The following EYA4 variants were observed in gnomAD, a reference collection of about 807,000 sequenced individuals.
EYA4 encodes protein phosphatase EYA4.
Under a neutral mutation model 87.9 loss-of-function variants are expected in EYA4, and 31 were observed. That is an observed-to-expected ratio of 0.35 (90% CI 0.27 to 0.48). EYA4 has a LOEUF of 0.48. Ranked by LOEUF, EYA4 falls within the 20% of genes least tolerant of loss-of-function variation. The probability of loss-of-function intolerance (pLI) is 0.99; values close to 1 mark genes in which losing one functional copy is unlikely to be tolerated. For synonymous variants in EYA4, 263 were observed against 270.6 expected, an observed-to-expected ratio of 0.97 and a Z score of 0.28; for missense variants, 678 against 761.4, an observed-to-expected ratio of 0.89 and a Z score of 1.29.
chr6:133,322,186 T>G (rs777720658), intron 2 of EYA4, among the ~76,000 whole-genome samples: 1 of 152,210 alleles, frequency 6.6e-6, no homozygotes, highest in Admixed American at 6.5e-5. Context: ...ATTGATCAAG[T>G]GACTATATCA....
chr6:133,512,805 T>G, intron 15 of EYA4, 26 bp downstream of exon 15: 2 of 1,611,526 alleles, frequency 1.2e-6, no homozygotes, highest in South Asian at 2.2e-5. Flanking sequence ...CAGTATGCTG[T>G]TTCCTACAGA....
intron 2 of EYA4, among the ~76,000 whole-genome samples, chr6:133,361,637 A>T (rs940324440): frequency 1.4e-4 from 22 of 152,196 alleles, no homozygotes; most frequent in Non-Finnish European, 1.5e-5. Context: ...CCTGATAGAG[A>T]CATAAGTTTC....
At chr6:133,426,977 A>G (rs1354055230) in intron 3 of EYA4, among the ~76,000 whole-genome samples, 1 of 152,122 alleles carries the variant, frequency 6.6e-6, no homozygotes, top group Non-Finnish European at 1.5e-5. Context: ...CGGAATCTAT[A>G]TTTTCCCCCC....
intron 2 of EYA4, among the ~76,000 whole-genome samples, chr6:133,357,915 T>C (rs1583051003): frequency 6.6e-6 from 1 of 151,670 alleles, no homozygotes; most frequent in South Asian, 2.1e-4. Flanking sequence ...AAATTATATA[T>C]AATATGAAAT....
intron 3 of EYA4, among the ~76,000 whole-genome samples, chr6:133,385,056 T>A (rs897580660): frequency 6.6e-6 from 1 of 151,948 alleles, no homozygotes; most frequent in East Asian, 1.9e-4. Flanking sequence ...TCCCAGCACT[T>A]TGGGAGGCCG....
At chr6:133,364,410 C>T (rs142463605) in intron 2 of EYA4, among the ~76,000 whole-genome samples, 320 of 152,284 alleles carry the variant, frequency 2.1e-3, no homozygotes, top group African/African-American at 7.3e-3. Flanking sequence ...ACTGCTGCCT[C>T]GCTTCATCAG....
intron 17 of EYA4, among the ~76,000 whole-genome samples, chr6:133,516,259 G>T (rs1375204416): frequency 6.6e-6 from 1 of 152,064 alleles, no homozygotes; most frequent in Non-Finnish European, 1.5e-5. Context: ...GGAGGAGGGA[G>T]AGAATCAGAA....
chr6:133,355,832 T>A (rs1387767491), intron 2 of EYA4, among the ~76,000 whole-genome samples: 1 of 152,204 alleles, frequency 6.6e-6, no homozygotes, highest in Non-Finnish European at 1.5e-5. Context: ...TCTCAAAATT[T>A]CAAAATTGTT....
chr6:133,310,996 C>T (rs894937503), intron 2 of EYA4, among the ~76,000 whole-genome samples: 1 of 152,160 alleles, frequency 6.6e-6, no homozygotes, highest in South Asian at 2.1e-4. Context: ...GACTTTTCCC[C>T]TATACCTATA....
intron 3 of EYA4, among the ~76,000 whole-genome samples, chr6:133,407,434 G>A (rs927990618): frequency 6.6e-6 from 1 of 152,018 alleles, no homozygotes; most frequent in Non-Finnish European, 1.5e-5. Context: ...CAGGGCTTTG[G>A]CTGTTACTCA....
At chr6:133,250,983 A>G (rs912168971) in intron 1 of EYA4, among the ~76,000 whole-genome samples, 4 of 152,338 alleles carry the variant, frequency 2.6e-5, no homozygotes, top group Admixed American at 2.6e-4. Flanking sequence ...TGGAGTGTCC[A>G]GTAGTCCAAG....
intron 3 of EYA4, among the ~76,000 whole-genome samples, chr6:133,417,601 T>A (rs1200875056): frequency 1.3e-5 from 2 of 152,046 alleles, no homozygotes; most frequent in Non-Finnish European, 2.9e-5. Context: ...CAAAAACACA[T>A]ACACACACAC....
Position 133,464,826 on chromosome 6 carries a change from T to C in EYA4, c.772T>C (p.Ser258Pro), listed in dbSNP as rs1450223457. The C allele has an allele frequency of 5.0e-6, 8 of 1,611,750 alleles. No individual in the cohort carries two copies. In the East Asian group the frequency reaches 1.1e-4, roughly 23 times the overall value. Residue 258 changes from serine to proline, a missense_variant, in exon 10 of 20, where the codon TCC becomes CCC. Ser to Pro is a moderately conservative substitution (Grantham distance 74). Coordinates refer to ENST00000355286, the MANE Select transcript of EYA4 (RefSeq NM_004100.5). ...TACTATTTATGCAAATAATTCAGTT[T>C]CCAATTCAACGAATTTCAGTGGTTC... ...SSTIYANNSVSNSTNFSGSQQ... is the reference protein window; with the variant it reads ...SSTIYANNSVPNSTNFSGSQQ...
intron 18 of EYA4, among the ~76,000 whole-genome samples, chr6:133,524,716 G>T (rs1800477589): frequency 6.6e-6 from 1 of 152,148 alleles, no homozygotes; most frequent in Non-Finnish European, 1.5e-5. Context: ...TTAAACAAAG[G>T]TTAAAACTTA....
At chr6:133,340,782 A>G (rs1382360324) in intron 2 of EYA4, among the ~76,000 whole-genome samples, 2 of 152,194 alleles carry the variant, frequency 1.3e-5, no homozygotes, top group African/African-American at 4.8e-5. Flanking sequence ...TCATATGGAA[A>G]GCCACTGGAG....
intron 2 of EYA4, among the ~76,000 whole-genome samples, chr6:133,301,542 G>C (rs145854657): frequency 2.2e-4 from 33 of 152,280 alleles, no homozygotes; most frequent in African/African-American, 7.9e-4. Context: ...CATTTATCAA[G>C]GAATTACTGC....
chr6:133,356,795 A>G (rs550153534), intron 2 of EYA4, among the ~76,000 whole-genome samples: 5 of 113,784 alleles, frequency 4.4e-5, no homozygotes, highest in East Asian at 5.9e-4. Context: ...GTGTGTGTAT[A>G]TATATATTTT....
chr6:133,254,088 T>C (rs181629441), intron 1 of EYA4, among the ~76,000 whole-genome samples: 1 of 152,280 alleles, frequency 6.6e-6, no homozygotes, highest in African/African-American at 2.4e-5. Flanking sequence ...AAAGCCTCAT[T>C]TGTACCAAAG....
At chr6:133,313,036 ATTT>A (rs1780352095) in intron 2 of EYA4, among the ~76,000 whole-genome samples, 1 of 151,746 alleles carries the variant, frequency 6.6e-6, no homozygotes, top group Non-Finnish European at 1.5e-5. Flanking sequence ...TTTTATTTTC[ATTT>A]TCTTCTTAGT....
Sources: allele counts gnomAD v4.1 joint callset (sites outside exome capture counted in the v4.1 genomes callset), GRCh38; gene constraint gnomAD v4.1.1; transcripts MANE v1.5; gene names NCBI Gene and HGNC (gene_info 2026-07-23, HGNC 2026-07-21).